PER3: variants seen among roughly 807,000 people sequenced by gnomAD.
The protein encoded by PER3 is period circadian regulator 3.
A neutral mutation model predicts 127.2 loss-of-function variants in PER3; 107 were observed. The ratio of observed to expected loss-of-function variants is 0.84; its 90% CI spans 0.72 to 0.99. The LOEUF is 0.99. Ranked by LOEUF, PER3 falls within the 50% of genes least tolerant of loss-of-function variation. The probability of loss-of-function intolerance (pLI) is 0.00; values close to 1 mark genes in which losing one functional copy is unlikely to be tolerated. For missense variants in PER3, 1,560 were observed against 1,525.8 expected, an observed-to-expected ratio of 1.02 and a Z score of -0.37; for synonymous variants, 618 against 585.8, an observed-to-expected ratio of 1.05 and a Z score of -0.79.
At chr1:7,785,830 A>G (rs1325498684) in intron 3 of PER3, among the ~76,000 whole-genome samples, 2 of 152,262 alleles carry the variant, frequency 1.3e-5, no homozygotes, top group Non-Finnish European at 2.9e-5. Context: ...ATGTGTTGCA[A>G]GAGAGTAGAG....
chr1:7,793,315 T>C (rs1429436393), intron 5 of PER3, among the ~76,000 whole-genome samples: 2 of 152,168 alleles, frequency 1.3e-5, no homozygotes, highest in Non-Finnish European at 1.5e-5. Flanking sequence ...AATTATCACC[T>C]CATAAATCAA....
Position 7,803,672 on chromosome 1 carries a change from TG to T in PER3, c.980-19del. On this transcript the variant is annotated intron_variant, in intron 9 of 21. Transcript: ENST00000377532. ...ATCTGTGTTAAGTAAATCCTATTTT[TG>T]TCTTATTATTTTATATAGTTTTGAA... The T allele has an allele frequency of 6.8e-7, 1 of 1,474,880 alleles. No homozygotes were observed. The highest frequency in any genetic ancestry group is 9.4e-7 in the Non-Finnish European group (1 of 1,065,594). 91.4% of individuals were successfully genotyped at this position (1,474,880 alleles called of 1,614,324 possible). A position where few individuals can be genotyped will look rare whatever the true frequency, so the allele number is the denominator to read the frequency against.
intron 5 of PER3, 59 bp downstream of exon 5, chr1:7,788,305 C>G (rs1267696236): frequency 1.7e-6 from 2 of 1,164,868 alleles, no homozygotes; most frequent in African/African-American, 3.0e-5. Flanking sequence ...TTCATTCTTA[C>G]AGGAATAGTA....
chr1:7,792,517 A>G (rs144414239), intron 5 of PER3, among the ~76,000 whole-genome samples: 1 of 152,346 alleles, frequency 6.6e-6, no homozygotes, highest in East Asian at 1.9e-4. Flanking sequence ...ATAAGGCACG[A>G]TATAATTCTA....
At chr1:7,820,017 A>C in intron 14 of PER3, 98 bp from the exon 15 acceptor site, 1 of 1,205,456 alleles carries the variant, frequency 8.3e-7, no homozygotes, top group Non-Finnish European at 1.2e-6. Flanking sequence ...GAAAGTACAA[A>C]GTATGCCAAA....
chr1:7,820,854 A>G (rs918776032), intron 16 of PER3, among the ~76,000 whole-genome samples: 2 of 152,218 alleles, frequency 1.3e-5, no homozygotes, highest in Admixed American at 1.3e-4. Flanking sequence ...GTTATTTGTC[A>G]ATGAAATCAG....
At chr1:7,800,217 T>A (rs777535219) in intron 7 of PER3, among the ~76,000 whole-genome samples, 2 of 46,102 alleles carry the variant, frequency 4.3e-5, no homozygotes, top group Non-Finnish European at 1.3e-4. Flanking sequence ...AATCACTTCA[T>A]TTTTTTTTTT....
At chr1:7,795,373 T>G (rs1289723973) in intron 6 of PER3, among the ~76,000 whole-genome samples, 1 of 152,008 alleles carries the variant, frequency 6.6e-6, no homozygotes, top group Non-Finnish European at 1.5e-5. Context: ...TGTTGGCTGG[T>G]GATAAGTTGT....
intron 21 of PER3, among the ~76,000 whole-genome samples, chr1:7,841,193 A>AT (rs1389579324): frequency 4.6e-5 from 7 of 152,190 alleles, no homozygotes; most frequent in Non-Finnish European, 7.4e-5. Flanking sequence ...GTTGGGCCAC[A>AT]TTCAAAGCCA....
chr1:7,821,174 C>G (rs17374292), intron 16 of PER3, among the ~76,000 whole-genome samples: 1 of 152,102 alleles, frequency 6.6e-6, no homozygotes, highest in African/African-American at 2.4e-5. Context: ...GCCACTTGTC[C>G]TTTTGACATT....
chr1:7,840,608 GCACC>G (rs1420373000), intron 21 of PER3, among the ~76,000 whole-genome samples: 2 of 150,372 alleles, frequency 1.3e-5, no homozygotes, highest in African/African-American at 4.9e-5. Flanking sequence ...ATGAGCCACC[GCACC>G]CAGCTTTTTC....
intron 5 of PER3, among the ~76,000 whole-genome samples, chr1:7,792,436 A>G (rs913583099): frequency 2.6e-5 from 4 of 152,202 alleles, no homozygotes; most frequent in Non-Finnish European, 5.9e-5. Flanking sequence ...CAGCCAAACC[A>G]TATCACCTTT....
At chr1:7,804,260 A>G (rs970133595) in intron 10 of PER3, among the ~76,000 whole-genome samples, 8 of 151,712 alleles carry the variant, frequency 5.3e-5, no homozygotes, top group African/African-American at 1.7e-4. Flanking sequence ...GAAATAAAAT[A>G]TGAATTTTGG....
chr1:7,817,527 T>G (rs2097257019), intron 13 of PER3, among the ~76,000 whole-genome samples: 1 of 152,206 alleles, frequency 6.6e-6, no homozygotes, highest in African/African-American at 2.4e-5. Context: ...TTAGCAATTC[T>G]AAAGCGACTT....
intron 21 of PER3, among the ~76,000 whole-genome samples, chr1:7,840,349 A>G (rs1390478363): frequency 3.0e-4 from 44 of 147,592 alleles, no homozygotes; most frequent in Non-Finnish European, 3.1e-4. Flanking sequence ...TTTTTTTTAG[A>G]CAAGGTCTCA....
Position 7,819,367 on chromosome 1 carries a change from C to G in PER3, c.1605C>G (p.Asn535Lys). ...VYTEPCEDLRNDEHSPSYQQI... is the reference protein window; with the variant it reads ...VYTEPCEDLRKDEHSPSYQQI... ...CTGAGCCCTGTGAGGATTTGAGGAA[C>G]GATGAGCACAGCCCATCCTATCAAC... is the stretch of plus-strand genomic sequence containing the variant. Residue 535 changes from asparagine (N) to lysine (K), a missense_variant, in exon 14 of 22, where the codon AAC becomes AAG. Physicochemically the swap from Asn to Lys is moderately conservative, Grantham distance 94. Transcript: ENST00000377532. The G allele has an allele frequency of 6.2e-7, 1 of 1,613,730 alleles. No homozygotes were observed. Among genetic ancestry groups the G allele is most frequent in the Non-Finnish European group, 8.5e-7 (1 of 1,179,664 alleles).
chr1:7,806,812 A>AAAAAAATATATAT (rs61141023), intron 10 of PER3, among the ~76,000 whole-genome samples: 3 of 60,632 alleles, frequency 4.9e-5, no homozygotes, highest in Admixed American at 2.4e-4. Flanking sequence ...AAAAAAAAAA[A>AAAAAAATATATAT]ATATATATAT....
In PER3 at chr1:7,826,375, G is replaced by C; in HGVS notation, c.1958-105G>C. The C allele has an allele frequency of 1.5e-6, 1 of 680,700 alleles. No homozygotes were observed. Among genetic ancestry groups the C allele is most frequent in the Non-Finnish European group, 2.6e-6 (1 of 384,368 alleles). 42.2% of individuals were successfully genotyped at this position (680,700 alleles called of 1,614,324 possible). A position where few individuals can be genotyped will look rare whatever the true frequency, so the allele number is the denominator to read the frequency against. On this transcript the variant is annotated intron_variant, in intron 16 of 21. Transcript: ENST00000377532. The surrounding 1 kb of genome is among the most constrained non-coding windows in gnomAD (Gnocchi z 4.2). ...AATGAAGATTTTTCGTATTCCAGCA[G>C]TTATAATAATGTTTGTAAAAATGTA...
intron 16 of PER3, among the ~76,000 whole-genome samples, chr1:7,825,633 T>C (rs1295041231): frequency 1.3e-5 from 2 of 152,224 alleles, no homozygotes; most frequent in East Asian, 1.9e-4. Flanking sequence ...GGCTCATGCC[T>C]ATAATCCCAG....
Sources: gnomAD v4.1 joint callset for allele counts (sites outside exome capture counted in the v4.1 genomes callset) on GRCh38, gnomAD v4.1.1 for gene constraint, Gnocchi (gnomAD v3.1) non-coding constraint, MANE v1.5 for transcripts, NCBI Gene and HGNC (gene_info 2026-07-23, HGNC 2026-07-21) for gene names.